Variants in MYH3 observed in about 807,000 individuals in gnomAD.
MYH3 encodes myosin heavy chain 3.
A neutral mutation model predicts 238.0 loss-of-function variants in MYH3; 130 were observed. That is an observed-to-expected ratio of 0.55 (90% CI 0.47 to 0.63). The LOEUF is 0.63. MYH3 is among the 30% of genes least tolerant of loss of function. The pLI is 0.00. For synonymous variants in MYH3, 880 were observed against 924.1 expected, an observed-to-expected ratio of 0.95 and a Z score of 0.86; for missense variants, 1,853 against 2,374.9, an observed-to-expected ratio of 0.78 and a Z score of 4.57.
chr17:10,641,712 T>A (rs970327459), intron 17 of MYH3, among the ~76,000 whole-genome samples: 1 of 152,074 alleles, frequency 6.6e-6, no homozygotes, highest in Non-Finnish European at 1.5e-5. Flanking sequence ...GACGGGGTTT[T>A]ACTGTGTTAG....
chr17:10,666,689 G>A, the MYH3 span, among the ~76,000 whole-genome samples: 4 of 151,908 alleles, frequency 2.6e-5, no homozygotes, highest in Admixed American at 1.3e-4. Flanking sequence ...TTGAGCCCAT[G>A]AGGCCAAGGC....
rs2142377032 is a variant in MYH3, at chr17:10,629,835, CACTT to C, written c.5658+3_5658+6del. ...TGCCTGCCGCAGTCAGCACCTATCTCACTTACAGCCTCCTCCGCCTGCCTCTTGT... is the reference window on the plus strand; with the variant it reads ...TGCCTGCCGCAGTCAGCACCTATCTCACAGCCTCCTCCGCCTGCCTCTTGT... On this transcript the variant is annotated splice_donor_5th_base_variant and intron_variant, in intron 39 of 40. Transcript: ENST00000583535. The C allele has an allele frequency of 6.2e-7, 1 of 1,614,078 alleles. No individual in the cohort carries two copies. Among genetic ancestry groups the C allele is most frequent in the Non-Finnish European group, 8.5e-7 (1 of 1,180,024 alleles).
At chr17:10,651,724 C>T in intron 4 of MYH3, 56 bp from the exon 5 acceptor site, 4 of 1,579,166 alleles carry the variant, frequency 2.5e-6, no homozygotes, top group East Asian at 2.2e-5. Context: ...TATGGAAAAC[C>T]CCTTGCCTTT....
upstream of MYH3, among the ~76,000 whole-genome samples, chr17:10,662,249 T>C (rs2074485699): frequency 6.6e-6 from 1 of 152,192 alleles, no homozygotes; most frequent in African/African-American, 2.4e-5. Context: ...CTCAAATTCC[T>C]GTCCTCAAAT....
chr17:10,664,087 G>A, the MYH3 span, among the ~76,000 whole-genome samples: 6 of 146,730 alleles, frequency 4.1e-5, no homozygotes, highest in Non-Finnish European at 6.0e-5. Flanking sequence ...AAAAAAAAAG[G>A]TCTAGTATGA....
chr17:10,656,377 A>C (rs1209741587), intron 1 of MYH3, among the ~76,000 whole-genome samples: 1 of 152,126 alleles, frequency 6.6e-6, no homozygotes, highest in Non-Finnish European at 1.5e-5. Flanking sequence ...AATAAAAAAT[A>C]AATTTAAAAA....
At position 10,628,577 on chromosome 17, in the gene MYH3, A is replaced by G. The variant is rs982885128; in HGVS notation, c.*76T>C. On this transcript the variant is annotated 3_prime_UTR_variant, in exon 41 of 41. Transcript: ENST00000583535. The stretch of plus-strand genomic sequence containing the variant: ...TTGCATGTGAAAAAGAGTCACATGG[A>G]CATTAAGTATCAATGGTCAGGAATC... 1.2e-5 allele frequency: 18 copies of G among 1,495,278 alleles called. No homozygotes were observed. In the Admixed American group the frequency reaches 2.8e-4, roughly 24 times the overall value. 92.6% of individuals were successfully genotyped at this position (1,495,278 alleles called of 1,614,324 possible). A position where few individuals can be genotyped will look rare whatever the true frequency, so the allele number is the denominator to read the frequency against.
intron 26 of MYH3, 68 bp downstream of exon 26, chr17:10,638,805 A>C: frequency 2.0e-6 from 3 of 1,498,514 alleles, no homozygotes; most frequent in Admixed American, 3.4e-5. Flanking sequence ...TAAATGGCTT[A>C]TAGCAGACAG....
Position 10,634,880 on chromosome 17 carries a change from A to G in MYH3, c.4316T>C (p.Leu1439Ser). The change falls in exon 31 of 41, where the codon TTG (leucine) becomes TCG (serine). Residue 1439 changes from leucine to serine, a missense_variant. Around this residue, in one of 3 missense-constraint regions of MYH3, gnomAD observed 1,044 missense variants for 1,192.6 expected, o/e 0.88. Coordinates refer to ENST00000583535, the MANE Select transcript of MYH3 (RefSeq NM_002470.4). Reference sequence around the variant, plus strand: ...CTGCTTCTTGTCCAGAGCGGCGGCCAAGGAATTGGCTCTTTCAACATCAAC... The same window carrying G: ...CTGCTTCTTGTCCAGAGCGGCGGCCGAGGAATTGGCTCTTTCAACATCAAC... ...LMVDVERANS[L>S]AAALDKKQRN... 6.2e-7 allele frequency: 1 copy of G among 1,614,100 alleles called. No individual in the cohort carries two copies. The highest frequency in any genetic ancestry group is 8.5e-7 in the Non-Finnish European group (1 of 1,180,012).
At chr17:10,670,453 C>G in the MYH3 span, among the ~76,000 whole-genome samples, 9 of 152,180 alleles carry the variant, frequency 5.9e-5, no homozygotes, top group Non-Finnish European at 1.3e-4. This position sits in a 1 kb window ranked among gnomAD's most constrained non-coding sequence, Gnocchi z 7.0. Flanking sequence ...GTCAGTTTCT[C>G]CAAGTGAAAT....
At position 10,646,011 on chromosome 17, in the gene MYH3, T is replaced by C; in HGVS notation, c.920A>G (p.Asn307Ser). ...ELIELLLITT[N>S]PYDYPFISQG... ...GCTAATGAACGGGTAGTCGTAAGGG[T>C]TGGTCGTAATAAGCAGCAGCTCTGA... Residue 307 changes from asparagine to serine, a missense_variant, in exon 11 of 41, where the codon AAC (asparagine) becomes AGC (serine). Coordinates refer to ENST00000583535, the MANE Select transcript of MYH3 (RefSeq NM_002470.4). 1 of 1,613,754 alleles carries C rather than the reference T, an allele frequency of 6.2e-7. No individual in the cohort carries two copies.
rs767947961 is a variant in MYH3 at position 10,640,426 on chromosome 17, C to T, written c.2333G>A (p.Arg778Gln). 5.6e-6 allele frequency: 9 copies of T among 1,614,176 alleles called. No homozygotes were observed. Among genetic ancestry groups the T allele is most frequent in the East Asian group, 2.2e-5 (1 of 44,878 alleles). ...AGLLGTLEEM[R>Q]DDRLAKLITR... ...GATTAGTTTGGCCAGGCGGTCATCC[C>T]GCATCTCTTCCAGGGTTCCCAGCAA... Residue 778 changes from arginine to glutamine, a missense_variant, in exon 21 of 41, where the codon CGG (arginine) becomes CAG (glutamine). Transcript: ENST00000583535.
rs769340510 is a variant in MYH3, at chr17:10,644,431, T to C, written c.1330A>G (p.Ile444Val). The C allele has an allele frequency of 1.9e-6, 3 of 1,614,106 alleles. No individual in the cohort carries two copies. Among genetic ancestry groups the C allele is most frequent in the South Asian group, 1.1e-5 (1 of 91,082 alleles). Reference sequence around the variant, plus strand: ...AGCTTCGTATCCAGTTGCTGGTTAATGCGAGTGACCATCCACAAGAACAAC... The same window carrying C: ...AGCTTCGTATCCAGTTGCTGGTTAACGCGAGTGACCATCCACAAGAACAAC... ...EKLFLWMVTR[I>V]NQQLDTKLPR... is the part of the protein sequence containing the mutation. Residue 444 changes from isoleucine (I) to valine (V), a missense_variant, in exon 14 of 41, where the codon ATT (isoleucine) becomes GTT (valine). Transcript: ENST00000583535.
chr17:10,658,154 G>A (rs571024951), upstream of MYH3, among the ~76,000 whole-genome samples: 3 of 152,218 alleles, frequency 2.0e-5, no homozygotes, highest in Admixed American at 6.5e-5. Flanking sequence ...GACAAGGGGG[G>A]GCTGTCTAAC....
the MYH3 span, among the ~76,000 whole-genome samples, chr17:10,668,619 G>A: frequency 1.3e-5 from 2 of 152,276 alleles, no homozygotes; most frequent in South Asian, 2.1e-4. Context: ...TGATACTCAC[G>A]GAATTTGTTA....
At chr17:10,630,899 T>C (rs111679225) in intron 36 of MYH3, among the ~76,000 whole-genome samples, 9 of 152,026 alleles carry the variant, frequency 5.9e-5, no homozygotes, top group African/African-American at 2.2e-4. Context: ...CGGGTGAGAC[T>C]GTGATGAAGC....
At chr17:10,665,870 C>T in the MYH3 span, among the ~76,000 whole-genome samples, 1 of 152,088 alleles carries the variant, frequency 6.6e-6, no homozygotes, top group Non-Finnish European at 1.5e-5. Flanking sequence ...ACTCTAAAGT[C>T]TACATAATGA....
At position 10,631,494 on chromosome 17, in the gene MYH3, G is replaced by C. The variant is rs181738077; in HGVS notation, c.5286+117C>G. On this transcript the variant is annotated intron_variant, in intron 36 of 40. Transcript: ENST00000583535. ...AGTTTGAGCGGAGATGGGAGCCCTC[G>C]GGGAGCAGAATGTGCACCAGGTGTG... 29 of 1,486,476 alleles carry C rather than the reference G, an allele frequency of 2.0e-5. No individual in the cohort carries two copies. The African/African-American group carries it at 2.9e-4, about 15-fold the overall frequency. 92.1% of individuals were successfully genotyped at this position (1,486,476 alleles called of 1,614,324 possible). A position where few individuals can be genotyped will look rare whatever the true frequency, so the allele number is the denominator to read the frequency against.
chr17:10,641,450 GATCT>G, intron 17 of MYH3, 78 bp from the exon 18 acceptor site: 1 of 1,024,738 alleles, frequency 9.8e-7, no homozygotes, highest in Non-Finnish European at 1.5e-6. Context: ...AATGAAATAA[GATCT>G]ATGTTTAAAA....
Sources: gnomAD v4.1 joint callset for allele counts (sites outside exome capture counted in the v4.1 genomes callset) on GRCh38, gnomAD v4.1.1 for gene constraint, gnomAD v4.1.1 regional missense constraint, Gnocchi (gnomAD v3.1) non-coding constraint, MANE v1.5 for transcripts, NCBI Gene and HGNC (gene_info 2026-07-23, HGNC 2026-07-21) for gene names.